Variants in GALNT15 observed in about 807,000 individuals in gnomAD.
The protein encoded by GALNT15 is polypeptide N-acetylgalactosaminyltransferase 15.
In GALNT15, 67 loss-of-function variants were observed where a neutral mutation model predicts 66.8. The observed-to-expected ratio is 1.00, with a 90% CI of 0.82 to 1.23. The LOEUF (loss-of-function observed/expected upper bound fraction) is 1.23, where lower values mean the gene tolerates loss of function less well. Among genes scored for constraint, GALNT15 ranks in the 50% most tolerant of loss-of-function variants. The pLI is 0.00. For missense variants in GALNT15, 827 were observed against 804.3 expected (o/e 1.03, Z -0.34); for synonymous variants, 313 against 311.5 (o/e 1.00, Z -0.05).
At chr3:16,233,177 A>T (rs557378201), downstream of GALNT15, among the ~76,000 whole-genome samples, 1 of 135,186 alleles carries the variant, frequency 7.4e-6, no homozygotes, top group Non-Finnish European at 1.5e-5. Context: ...TTCACTGCAA[A>T]CTCCACCTCC....
chr3:16,221,362 TA>T (rs555212736), intron 8 of GALNT15, among the ~76,000 whole-genome samples: 3 of 148,578 alleles, frequency 2.0e-5, no homozygotes, highest in African/African-American at 7.5e-5. Context: ...ATATGCCAGA[TA>T]AAAAAATATG....
chr3:16,211,221 A>G lies in GALNT15; in HGVS notation c.1177A>G (p.Asn393Asp), dbSNP rs1354454620. 6.2e-7 allele frequency: 1 copy of G among 1,611,540 alleles called. No homozygotes were observed. Residue 393 changes from asparagine (N) to aspartate (D), a missense_variant, in exon 5 of 10, where the codon AAC becomes GAC. By Grantham distance (23) the Asn-to-Asp change is conservative. Transcript: ENST00000339732. The surrounding 1 kb of genome is among the most constrained non-coding windows in gnomAD (Gnocchi z 4.3). The stretch of plus-strand genomic sequence containing the variant: ...TCTTATGTCGCTGCGAGGTGGTGAA[A>G]ACCTCGAACTGTCTTTCAAGGTATG... ...DSLMSLRGGE[N>D]LELSFKAWLC...
chr3:16,213,347 C>T (rs562583368), intron 6 of GALNT15, among the ~76,000 whole-genome samples: 113 of 143,512 alleles, frequency 7.9e-4, no homozygotes, highest in South Asian at 2.0e-3. Flanking sequence ...CCCTGCTACT[C>T]GGGAGGCTGA....
At chr3:16,235,510 A>G (rs1441818006), downstream of GALNT15, among the ~76,000 whole-genome samples, 1 of 152,232 alleles carries the variant, frequency 6.6e-6, no homozygotes, top group Non-Finnish European at 1.5e-5. Flanking sequence ...AGGGAGATTC[A>G]GATATGAGTA....
chr3:16,183,831 A>T lies in GALNT15; in HGVS notation c.539+8141A>T, dbSNP rs567249884. On this transcript the variant is annotated intron_variant, in intron 1 of 9. Transcript: ENST00000339732. The surrounding 1 kb of genome is among the most constrained non-coding windows in gnomAD (Gnocchi z 5.2). ...TACTACAGCCAGGCCATCTGGTGCAATGCTGTGACTCATTCTCTTCAGAGC... is the reference window on the plus strand; with the variant it reads ...TACTACAGCCAGGCCATCTGGTGCATTGCTGTGACTCATTCTCTTCAGAGC... 5.3e-5 allele frequency among the ~76,000 whole-genome samples: 8 copies of T among 151,398 alleles called. No individual in the cohort carries two copies. The highest frequency in any genetic ancestry group is 1.9e-4 in the African/African-American group (8 of 41,216).
rs1021060050 is a variant in GALNT15, at chr3:16,190,365, A to G, written c.540-5395A>G. 2.6e-5 allele frequency among the ~76,000 whole-genome samples: 4 copies of G among 152,156 alleles called. No homozygotes were observed. In the South Asian group the frequency reaches 6.2e-4, roughly 24 times the overall value. ...AAAACAATCCCTGGCTAGGCCGGGCATGGTGGCTGACGCCTGTAATCCCAG... is the reference window on the plus strand; with the variant it reads ...AAAACAATCCCTGGCTAGGCCGGGCGTGGTGGCTGACGCCTGTAATCCCAG... On this transcript the variant is annotated intron_variant, in intron 1 of 9. Transcript: ENST00000339732.
chr3:16,196,858 A>G (rs2063644241), intron 2 of GALNT15, among the ~76,000 whole-genome samples: 1 of 152,018 alleles, frequency 6.6e-6, no homozygotes, highest in Admixed American at 6.5e-5. Context: ...CTCTGAGGGA[A>G]GCCGAGCATT....
At chr3:16,247,783 C>G in the GALNT15 span, among the ~76,000 whole-genome samples, 1 of 152,234 alleles carries the variant, frequency 6.6e-6, no homozygotes, top group Non-Finnish European at 1.5e-5. Context: ...CAGGGCTTCC[C>G]TCGACCTCAG....
chr3:16,241,591 CAGGCTGG>C, the GALNT15 span, among the ~76,000 whole-genome samples: 1 of 152,034 alleles, frequency 6.6e-6, no homozygotes. The surrounding 1 kb of genome is among the most constrained non-coding windows in gnomAD (Gnocchi z 4.6). Context: ...TTCTGTTGCC[CAGGCTGG>C]AGTGCAATGG....
downstream of GALNT15, among the ~76,000 whole-genome samples, chr3:16,236,129 A>AAAAAAAAAAAAAAAAAAT (rs2064124453): frequency 6.8e-6 from 1 of 147,408 alleles, no homozygotes; most frequent in Admixed American, 6.7e-5. Context: ...AAAAAAAAAA[A>AAAAAAAAAAAAAAAAAAT]AAGGACTGGG....
At chr3:16,178,651 G>A (rs2063438201) in intron 1 of GALNT15, among the ~76,000 whole-genome samples, 1 of 152,126 alleles carries the variant, frequency 6.6e-6, no homozygotes, top group African/African-American at 2.4e-5. Flanking sequence ...GAGAGTCCCT[G>A]CAAAGCAAGG....
In GALNT15 at chr3:16,187,109, C is replaced by G. The variant is rs538342039; in HGVS notation, c.540-8651C>G. 3.3e-5 allele frequency among the ~76,000 whole-genome samples: 5 copies of G among 152,096 alleles called. No individual in the cohort carries two copies. The East Asian group carries it at 9.7e-4, about 29-fold the overall frequency. On this transcript the variant is annotated intron_variant, in intron 1 of 9. Coordinates refer to ENST00000339732, the MANE Select transcript of GALNT15 (RefSeq NM_054110.5). This position sits in a 1 kb window ranked among gnomAD's most constrained non-coding sequence, Gnocchi z 5.1. ...TGAAACCCCGTCTCTACAAAAAATA[C>G]AAAAATTAGCGAGGCATGGTGGTGC...
Position 16,186,108 on chromosome 3 carries a change from CA to C in GALNT15, c.540-9648del, listed in dbSNP as rs2063514228. On this transcript the variant is annotated intron_variant, in intron 1 of 9. Transcript: ENST00000339732. This position sits in a 1 kb window ranked among gnomAD's most constrained non-coding sequence, Gnocchi z 5.1. ...CCCTTACAACCCAACAATTAAACAA[CA>C]AAACACTCCATTTTAAAATGGGCAA... Among the ~76,000 whole-genome samples the C allele has an allele frequency of 6.6e-6, 1 of 152,128 alleles. No homozygotes were observed. Among genetic ancestry groups the C allele is most frequent in the Non-Finnish European group, 1.5e-5 (1 of 68,010 alleles).
chr3:16,227,659 T>A lies in GALNT15; in HGVS notation c.*159T>A. On this transcript the variant is annotated 3_prime_UTR_variant, in exon 10 of 10. Coordinates refer to ENST00000339732, the MANE Select transcript of GALNT15 (RefSeq NM_054110.5). The surrounding 1 kb of genome is among the most constrained non-coding windows in gnomAD (Gnocchi z 4.5). The stretch of plus-strand genomic sequence containing the variant: ...ATGAAAGAATATAGGAAGTTTCTCC[T>A]TTTCACACCTTATTTCATTGACTGC... 1 of 1,446,916 alleles carries A rather than the reference T, an allele frequency of 6.9e-7. No homozygotes were observed. The highest frequency in any genetic ancestry group is 1.5e-5 in the South Asian group (1 of 67,590). The allele number at this position is 1,446,916 out of a possible 1,614,324, so 89.6% of individuals were successfully genotyped here. A position where few individuals can be genotyped will look rare whatever the true frequency, so the allele number is the denominator to read the frequency against.
rs1208344007 is a variant in GALNT15, at chr3:16,193,656, G to A, written c.540-2104G>A. On this transcript the variant is annotated intron_variant, in intron 1 of 9. Transcript: ENST00000339732. The surrounding 1 kb of genome is among the most constrained non-coding windows in gnomAD (Gnocchi z 4.7). ...CTTAGGACTGGTACCAAGCTAGGGA[G>A]CAGCAAGAGTTGGCACATCTTAGAA... 2.0e-5 allele frequency among the ~76,000 whole-genome samples: 3 copies of A among 152,174 alleles called. No homozygotes were observed. Among genetic ancestry groups the A allele is most frequent in the Non-Finnish European group, 4.4e-5 (3 of 68,036 alleles).
rs62233860 is a variant in GALNT15, at chr3:16,209,281, T to C, written c.1079+611T>C. 0.14 allele frequency among the ~76,000 whole-genome samples: 21,433 copies of C among 152,198 alleles called. 1,652 individuals are homozygous for C. Among genetic ancestry groups the C allele is most frequent in the East Asian group, 0.22 (1,151 of 5,174 alleles). On this transcript the variant is annotated intron_variant, in intron 4 of 9. Coordinates refer to ENST00000339732, the MANE Select transcript of GALNT15 (RefSeq NM_054110.5). The surrounding 1 kb of genome is among the most constrained non-coding windows in gnomAD (Gnocchi z 4.1). ...GCTCATGAATTCTGTGGGATATGAATTCTGAAAGGACACAGTGGGGTTGGT... is the reference window on the plus strand; with the variant it reads ...GCTCATGAATTCTGTGGGATATGAACTCTGAAAGGACACAGTGGGGTTGGT...
Position 16,219,109 on chromosome 3 carries a change from C to T in GALNT15, c.1393-294C>T, listed in dbSNP as rs2063912878. On this transcript the variant is annotated intron_variant, in intron 6 of 9. Transcript: ENST00000339732. This position sits in a 1 kb window ranked among gnomAD's most constrained non-coding sequence, Gnocchi z 4.3. Reference sequence around the variant, plus strand: ...GGAGGTGTGAGCCACCACTCCCGGCCTATTGTAGTCTTTATAGACTGGAGA... The same window carrying T: ...GGAGGTGTGAGCCACCACTCCCGGCTTATTGTAGTCTTTATAGACTGGAGA... 2.0e-5 allele frequency among the ~76,000 whole-genome samples: 3 copies of T among 151,124 alleles called. No individual in the cohort carries two copies. The highest frequency in any genetic ancestry group is 1.3e-4 in the Admixed American group (2 of 15,234).
rs200199776 is a variant in GALNT15, at chr3:16,195,934, C to G, written c.706+8C>G. The G allele has an allele frequency of 2.5e-6, 4 of 1,613,842 alleles. No individual in the cohort carries two copies. Among genetic ancestry groups the G allele is most frequent in the Non-Finnish European group, 2.5e-6 (3 of 1,179,846 alleles). ...ACGACCTCAGCCAGCAAGGTAGCCACGGCTTTCCTCCAGGCTCGTCTGGGT... is the reference window on the plus strand; with the variant it reads ...ACGACCTCAGCCAGCAAGGTAGCCAGGGCTTTCCTCCAGGCTCGTCTGGGT... On this transcript the variant is annotated splice_region_variant and intron_variant, in intron 2 of 9. Coordinates refer to ENST00000339732, the MANE Select transcript of GALNT15 (RefSeq NM_054110.5). The surrounding 1 kb of genome is among the most constrained non-coding windows in gnomAD (Gnocchi z 4.6).
chr3:16,207,501 T>TAAAAAAAAA (rs36127239), intron 3 of GALNT15, among the ~76,000 whole-genome samples: 4 of 39,846 alleles, frequency 1.0e-4, no homozygotes, highest in Non-Finnish European at 1.7e-4. Context: ...CTCCAGGCTG[T>TAAAAAAAAA]AAAAAAAAAA....
Sources: allele counts gnomAD v4.1 joint callset (sites outside exome capture counted in the v4.1 genomes callset), GRCh38; gene constraint gnomAD v4.1.1; non-coding constraint Gnocchi (gnomAD v3.1); transcripts MANE v1.5; gene names NCBI Gene and HGNC (gene_info 2026-07-23, HGNC 2026-07-21).